TMEM181: variants seen among roughly 807,000 people sequenced by gnomAD.
TMEM181 encodes the protein G protein-coupled receptor 178.
A neutral mutation model predicts 71.9 loss-of-function variants in TMEM181; 39 were observed. The ratio of observed to expected loss-of-function variants is 0.54; its 90% CI spans 0.42 to 0.71. The LOEUF (loss-of-function observed/expected upper bound fraction) is 0.71. TMEM181 is among the 30% of genes least tolerant of loss of function. TMEM181 has a pLI of 0.00. For synonymous variants in TMEM181, 245 were observed against 228.8 expected (o/e 1.07, Z -0.64); for missense variants, 595 against 583.0 (o/e 1.02, Z -0.21).
rs776226191 is a variant in TMEM181 at position 158,584,007 on chromosome 6, A to G, written c.222A>G (p.Leu74=). The change falls in exon 4 of 17, where the codon CTA becomes CTG. Residue 74 remains leucine, a synonymous_variant. Transcript: ENST00000684151. ...CACTGTCTACATACAATCAGCAACT[A>G]TGGCTGACATGTGTTGTTGAGTTGG... ...SNPLSTYNQQ[L]WLTCVVELDQ... The G allele has an allele frequency of 1.9e-6, 3 of 1,612,006 alleles. No individual in the cohort carries two copies. The highest frequency in any genetic ancestry group is 2.7e-5 in the African/African-American group (2 of 74,870).
At chr6:158,631,236 T>C in intron 15 of TMEM181, 87 bp from the exon 16 acceptor site, 2 of 1,387,004 alleles carry the variant, frequency 1.4e-6, no homozygotes, top group Non-Finnish European at 2.1e-6. Context: ...TCTTTCCAAC[T>C]CCCTTCCTTT....
intron 1 of TMEM181, among the ~76,000 whole-genome samples, chr6:158,564,345 G>A (rs960769672): frequency 1.3e-5 from 2 of 152,188 alleles, no homozygotes; most frequent in East Asian, 1.9e-4. Context: ...GGGCCTCAGT[G>A]GGCCTGCATC....
At chr6:158,626,897 T>TTCACTCACACACCC (rs1786318728) in intron 13 of TMEM181, among the ~76,000 whole-genome samples, 2 of 118,498 alleles carry the variant, frequency 1.7e-5, no homozygotes, top group East Asian at 5.8e-4. Flanking sequence ...CCCCCACACC[T>TTCACTCACACACCC]TCACTCACAC....
chr6:158,630,352 C>G (rs998743153), intron 15 of TMEM181, among the ~76,000 whole-genome samples: 1 of 151,902 alleles, frequency 6.6e-6, no homozygotes, highest in African/African-American at 2.4e-5. Context: ...AAAAATTAGA[C>G]AGGTGTGGTG....
intron 6 of TMEM181, among the ~76,000 whole-genome samples, chr6:158,590,955 C>T (rs994818645): frequency 6.6e-6 from 1 of 152,236 alleles, no homozygotes; most frequent in Non-Finnish European, 1.5e-5. Context: ...AGTCACACAA[C>T]GTGTGGTCTT....
chr6:158,580,841 TCTC>T (rs1783427987), intron 2 of TMEM181, 96 bp from the exon 3 acceptor site: 1 of 1,078,468 alleles, frequency 9.3e-7, no homozygotes. Context: ...ATTAAGGTCA[TCTC>T]CGTGTAATGT....
At chr6:158,557,505 A>ATTATTTATTTTAT (rs1554301647), upstream of TMEM181, among the ~76,000 whole-genome samples, 40 of 146,942 alleles carry the variant, frequency 2.7e-4, no homozygotes, top group African/African-American at 8.9e-4. Flanking sequence ...CACAGCTGTA[A>ATTATTTATTTTAT]TTATTTATTT....
intron 1 of TMEM181, among the ~76,000 whole-genome samples, chr6:158,550,546 C>T (rs1315614181): frequency 6.6e-6 from 1 of 151,814 alleles, no homozygotes; most frequent in Non-Finnish European, 1.5e-5. Flanking sequence ...GTCTCAGCTA[C>T]TCGGGAGGCT....
intron 6 of TMEM181, among the ~76,000 whole-genome samples, chr6:158,590,376 CA>C (rs11405629): frequency 4.0e-5 from 6 of 148,364 alleles, no homozygotes; most frequent in Admixed American, 1.3e-4. Flanking sequence ...TGGATACCTT[CA>C]AAAAAAAAAC....
chr6:158,625,867 A>C (rs138330778), intron 13 of TMEM181, 113 bp downstream of exon 13: 1 of 953,968 alleles, frequency 1.0e-6, no homozygotes, highest in Non-Finnish European at 1.6e-6. Flanking sequence ...AGCCCAGTAG[A>C]CTCATGAGGT....
At chr6:158,611,975 T>TGCCC (rs1785345747) in intron 10 of TMEM181, among the ~76,000 whole-genome samples, 1 of 89,294 alleles carries the variant, frequency 1.1e-5, no homozygotes, top group African/African-American at 5.0e-5. Flanking sequence ...GCTGCAGGGA[T>TGCCC]ACCCCCCCCA....
intron 6 of TMEM181, among the ~76,000 whole-genome samples, chr6:158,595,990 C>T (rs573759333): frequency 5.9e-5 from 9 of 152,238 alleles, no homozygotes; most frequent in East Asian, 1.9e-4. Flanking sequence ...GGCGCGATCT[C>T]GGCTCACTGC....
intron 6 of TMEM181, among the ~76,000 whole-genome samples, chr6:158,601,771 A>AC (rs1209964478): frequency 1.9e-3 from 284 of 151,100 alleles, no homozygotes; most frequent in African/African-American, 5.5e-3. Context: ...AAAAAAAAAA[A>AC]AAAACAAGGC....
At chr6:158,564,422 C>G (rs1022005831) in intron 1 of TMEM181, among the ~76,000 whole-genome samples, 3 of 152,202 alleles carry the variant, frequency 2.0e-5, no homozygotes, top group African/African-American at 7.2e-5. Flanking sequence ...CAGGGAAGCT[C>G]CCAGCCTGGT....
chr6:158,595,346 C>T (rs1784333096), intron 6 of TMEM181, among the ~76,000 whole-genome samples: 1 of 152,162 alleles, frequency 6.6e-6, no homozygotes. Context: ...TTACTGCACA[C>T]CCACCAGAAT....
intron 1 of TMEM181, among the ~76,000 whole-genome samples, chr6:158,566,128 AGTT>A (rs1056093198): frequency 3.3e-5 from 5 of 152,124 alleles, no homozygotes; most frequent in East Asian, 1.9e-4. Context: ...GGACGGTTGG[AGTT>A]GTTGTGTCCT....
intron 10 of TMEM181, among the ~76,000 whole-genome samples, chr6:158,609,338 A>G (rs533692529): frequency 6.6e-6 from 1 of 151,998 alleles, no homozygotes; most frequent in South Asian, 2.1e-4. Flanking sequence ...TTAGACGAAT[A>G]GGAGGGTGAC....
chr6:158,540,420 T>C (rs1208492479), intron 1 of TMEM181, among the ~76,000 whole-genome samples: 2 of 152,246 alleles, frequency 1.3e-5, no homozygotes, highest in Non-Finnish European at 2.9e-5. Flanking sequence ...TACTAAAAAG[T>C]GTTCCTAACA....
At chr6:158,628,193 C>T in intron 13 of TMEM181, 1 of 689,612 alleles carries the variant, frequency 1.5e-6, no homozygotes, top group East Asian at 2.8e-5. Context: ...GGGTCTAGCC[C>T]ACCTAGATCC....
Sources: allele counts gnomAD v4.1 joint callset (sites outside exome capture counted in the v4.1 genomes callset), GRCh38; gene constraint gnomAD v4.1.1; transcripts MANE v1.5; gene names NCBI Gene and HGNC (gene_info 2026-07-23, HGNC 2026-07-21).